The following C5orf24 variants were observed in gnomAD, a reference collection of about 807,000 sequenced individuals.
C5orf24 encodes UPF0461 protein C5orf24.
In C5orf24, 4 loss-of-function variants were observed where a neutral mutation model predicts 9.8. The ratio of observed to expected loss-of-function variants is 0.41; its 90% CI spans 0.20 to 0.93. C5orf24 has a LOEUF of 0.93. Among genes scored for constraint, C5orf24 ranks in the 40% least tolerant of loss-of-function variants. The pLI is 0.33. For synonymous variants in C5orf24, 73 were observed against 81.3 expected (o/e 0.90, Z 0.55); for missense variants, 170 against 236.9 (o/e 0.72, Z 1.85).
the C5orf24 span, among the ~76,000 whole-genome samples, chr5:134,839,481 G>C: frequency 6.6e-6 from 1 of 152,182 alleles, no homozygotes; most frequent in East Asian, 1.9e-4. Context: ...CTGCCTGTCT[G>C]GTAACAATAA....
upstream of C5orf24, among the ~76,000 whole-genome samples, chr5:134,841,852 A>G (rs550005097): frequency 3.2e-4 from 48 of 152,280 alleles, 1 homozygote; most frequent in Middle Eastern, 6.8e-3. Context: ...GATTAGTTAT[A>G]ATATTTATAA....
the C5orf24 span, among the ~76,000 whole-genome samples, chr5:134,839,457 C>T: frequency 6.6e-6 from 1 of 152,138 alleles, no homozygotes; most frequent in Non-Finnish European, 1.5e-5. Context: ...CCGTATCTAT[C>T]TTCATTCCAA....
In C5orf24 at chr5:134,856,688, T is replaced by C. The variant is rs1210061982; in HGVS notation, c.*1221T>C. On this transcript the variant is annotated 3_prime_UTR_variant, in exon 2 of 2. Transcript: ENST00000394976. Reference sequence around the variant, plus strand: ...ATAAATAAATAAATAAATAAAACCATTTATTGATGTTGCTCATTTATTTGG... The same window carrying C: ...ATAAATAAATAAATAAATAAAACCACTTATTGATGTTGCTCATTTATTTGG... 1 of 903,944 alleles carries C rather than the reference T, an allele frequency of 1.1e-6. No individual in the cohort carries two copies. Among genetic ancestry groups the C allele is most frequent in the Non-Finnish European group, 1.3e-6 (1 of 744,476 alleles). The allele number at this position is 903,944 out of a possible 1,614,324, so 56.0% of individuals were successfully genotyped here.
chr5:134,858,576 A>G lies in C5orf24; in HGVS notation c.*3109A>G, dbSNP rs1475909403. On this transcript the variant is annotated 3_prime_UTR_variant, in exon 2 of 2. Coordinates refer to ENST00000394976, the MANE Select transcript of C5orf24 (RefSeq NM_001135586.1). ...CACAAAATAGGTTTCATTATTCTAT[A>G]TTTAAACTGTTGGTCAGAAAATGAT... is the stretch of plus-strand genomic sequence containing the variant. 1 of 166,980 alleles carries G rather than the reference A, an allele frequency of 6.0e-6. No homozygotes were observed. The highest frequency in any genetic ancestry group is 2.4e-5 in the African/African-American group (1 of 41,460). The allele number at this position is 166,980 out of a possible 1,614,324, so 10.3% of individuals were successfully genotyped here. A position where few individuals can be genotyped will look rare whatever the true frequency, so the allele number is the denominator to read the frequency against.
chr5:134,839,716 G>C, the C5orf24 span, among the ~76,000 whole-genome samples: 1 of 141,604 alleles, frequency 7.1e-6, no homozygotes, highest in Non-Finnish European at 1.5e-5. Flanking sequence ...TTTTGAGACA[G>C]AGTCTCACTG....
At chr5:134,854,233 G>C (rs1053691577) in intron 1 of C5orf24, among the ~76,000 whole-genome samples, 4 of 152,174 alleles carry the variant, frequency 2.6e-5, no homozygotes, top group African/African-American at 9.7e-5. Flanking sequence ...TGGAATGGAG[G>C]ATGTTTGAAG....
At chr5:134,851,902 C>T (rs540672815) in intron 1 of C5orf24, among the ~76,000 whole-genome samples, 18 of 152,276 alleles carry the variant, frequency 1.2e-4, no homozygotes, top group Middle Eastern at 3.4e-3. Flanking sequence ...TTTTTCTCAT[C>T]TGAAATTAGA....
chr5:134,858,294 GAAGAGAAAGACA>G lies in C5orf24; in HGVS notation c.*2828_*2839del, dbSNP rs1756364149. On this transcript the variant is annotated 3_prime_UTR_variant, in exon 2 of 2. Transcript: ENST00000394976. ...GTGAACAGTTTACCGGTGCCATGCTGAAGAGAAAGACATCTAAGTGATAACATGAATGAAGTC... is the reference window on the plus strand; with the variant it reads ...GTGAACAGTTTACCGGTGCCATGCTGTCTAAGTGATAACATGAATGAAGTC... The G allele has an allele frequency of 1.2e-5, 2 of 167,032 alleles. No individual in the cohort carries two copies. The highest frequency in any genetic ancestry group is 2.9e-5 in the Non-Finnish European group (2 of 68,122). The allele number at this position is 167,032 out of a possible 1,614,324, so 10.3% of individuals were successfully genotyped here. A position where few individuals can be genotyped will look rare whatever the true frequency, so the allele number is the denominator to read the frequency against.
chr5:134,855,856 T>C lies in C5orf24; in HGVS notation c.*389T>C, dbSNP rs935027826. ...CAGTATAATAAAGACACTAACGTATTTTTAACTGATGGAGCAAAAAAGCAA... is the reference window on the plus strand; with the variant it reads ...CAGTATAATAAAGACACTAACGTATCTTTAACTGATGGAGCAAAAAAGCAA... On this transcript the variant is annotated 3_prime_UTR_variant, in exon 2 of 2. Transcript: ENST00000394976. The C allele has an allele frequency of 9.8e-7, 1 of 1,022,788 alleles. No individual in the cohort carries two copies. Among genetic ancestry groups the C allele is most frequent in the Non-Finnish European group, 1.2e-6 (1 of 845,960 alleles). 63.4% of individuals were successfully genotyped at this position (1,022,788 alleles called of 1,614,324 possible).
chr5:134,835,715 C>G, the C5orf24 span, among the ~76,000 whole-genome samples: 1 of 151,978 alleles, frequency 6.6e-6, no homozygotes, highest in Non-Finnish European at 1.5e-5. Context: ...CTTTCAGAGA[C>G]AGGGTCTTGC....
chr5:134,854,208 G>A (rs1756246641), intron 1 of C5orf24, among the ~76,000 whole-genome samples: 1 of 151,930 alleles, frequency 6.6e-6, no homozygotes, highest in Non-Finnish European at 1.5e-5. Context: ...CTTTTGTATT[G>A]GTACTGCCTT....
intron 1 of C5orf24, among the ~76,000 whole-genome samples, chr5:134,851,900 A>C (rs557036319): frequency 2.2e-4 from 34 of 152,166 alleles, no homozygotes; most frequent in Non-Finnish European, 4.6e-4. Context: ...CTTTTTTCTC[A>C]TCTGAAATTA....
rs1756356552 is a variant in C5orf24 at position 134,857,983 on chromosome 5, T to C, written c.*2516T>C. On this transcript the variant is annotated 3_prime_UTR_variant, in exon 2 of 2. Coordinates refer to ENST00000394976, the MANE Select transcript of C5orf24 (RefSeq NM_001135586.1). Reference sequence around the variant, plus strand: ...TCTACCCTCCAGCACATCTACTTACTGGTGCTGTGCTGTGTGTCAGAAGAT... The same window carrying C: ...TCTACCCTCCAGCACATCTACTTACCGGTGCTGTGCTGTGTGTCAGAAGAT... The C allele has an allele frequency of 6.0e-6, 1 of 167,098 alleles. No individual in the cohort carries two copies. 10.4% of individuals were successfully genotyped at this position (167,098 alleles called of 1,614,324 possible).
intron 1 of C5orf24, chr5:134,846,881 A>G (rs1296140593): frequency 1.3e-5 from 2 of 152,204 alleles, no homozygotes; most frequent in African/African-American, 4.8e-5. Flanking sequence ...GCAAATCTTC[A>G]TTTAGAATTA....
chr5:134,834,486 C>T, the C5orf24 span, among the ~76,000 whole-genome samples: 6 of 152,162 alleles, frequency 3.9e-5, no homozygotes, highest in Admixed American at 1.3e-4. Flanking sequence ...GAAAAGAGTC[C>T]TCCCTATCCC....
At chr5:134,842,093 T>A (rs536061278), upstream of C5orf24, among the ~76,000 whole-genome samples, 1 of 152,318 alleles carries the variant, frequency 6.6e-6, no homozygotes, top group African/African-American at 2.4e-5. Context: ...ATATAAAAAA[T>A]GAATTGGTCA....
chr5:134,841,007 C>T (rs1755883904), upstream of C5orf24, among the ~76,000 whole-genome samples: 2 of 152,130 alleles, frequency 1.3e-5, no homozygotes, highest in African/African-American at 4.8e-5. Context: ...TTGCATGACC[C>T]ACGGCCCCAG....
chr5:134,859,072 A>G lies in C5orf24; in HGVS notation c.*3605A>G, dbSNP rs1756383409. On this transcript the variant is annotated 3_prime_UTR_variant, in exon 2 of 2. Coordinates refer to ENST00000394976, the MANE Select transcript of C5orf24 (RefSeq NM_001135586.1). ...AGGTTAAAGTTGACCCATTCAGTGT[A>G]AAAATAACCATAGTGTGTGAGCTAA... 1.2e-5 allele frequency: 2 copies of G among 166,954 alleles called. No homozygotes were observed. Among genetic ancestry groups the G allele is most frequent in the South Asian group, 4.1e-4 (2 of 4,830 alleles). The allele number at this position is 166,954 out of a possible 1,614,324, so 10.3% of individuals were successfully genotyped here.
chr5:134,857,150 A>G lies in C5orf24; in HGVS notation c.*1683A>G, dbSNP rs1756336166. 1 of 1,315,008 alleles carries G rather than the reference A, an allele frequency of 7.6e-7. No individual in the cohort carries two copies. Among genetic ancestry groups the G allele is most frequent in the African/African-American group, 1.5e-5 (1 of 66,756 alleles). The allele number at this position is 1,315,008 out of a possible 1,614,324, so 81.5% of individuals were successfully genotyped here. On this transcript the variant is annotated 3_prime_UTR_variant, in exon 2 of 2. Coordinates refer to ENST00000394976, the MANE Select transcript of C5orf24 (RefSeq NM_001135586.1). ...CTAAATAAAATATTATAAACTTCAG[A>G]CTTGAAAAAATTCCACTTAACTTTA...
Sources: allele counts gnomAD v4.1 joint callset (sites outside exome capture counted in the v4.1 genomes callset), GRCh38; gene constraint gnomAD v4.1.1; transcripts MANE v1.5; gene names NCBI Gene and HGNC (gene_info 2026-07-23, HGNC 2026-07-21).